The following TSC22D3 variants were observed in gnomAD, a reference collection of about 807,000 sequenced individuals.
TSC22D3 encodes TSC22 domain family member 3.
Under a neutral mutation model 11.1 loss-of-function variants are expected in TSC22D3, and 4 were observed. That is an observed-to-expected ratio of 0.36 (90% confidence interval 0.18 to 0.83). TSC22D3 has a LOEUF of 0.83. TSC22D3 is among the 40% of genes least tolerant of loss of function. The pLI is 0.48. For synonymous variants in TSC22D3, 77 were observed against 70.3 expected (o/e 1.10, Z -0.48); for missense variants, 118 against 159.4 (o/e 0.74, Z 1.40).
intron 1 of TSC22D3, among the ~76,000 whole-genome samples, chrX:107,754,988 T>C (rs1310417630): frequency 3.6e-5 from 4 of 112,113 alleles, no homozygotes; most frequent in Non-Finnish European, 7.5e-5. Context: ...GTGTCACTGA[T>C]CAGAGGATGG....
At chrX:107,715,656 T>C (rs34203388) in intron 2 of TSC22D3, 24,489 of 441,258 alleles carry the variant, frequency 0.055, 639 homozygotes, top group Middle Eastern at 0.16. Context: ...AGTCAGAGCC[T>C]GCGGCAAAGA....
rs773984814 is a variant in TSC22D3 at position 107,775,201 on chromosome X, C to T, written c.219G>A (p.Ser73=). Residue 73 remains serine (S), a synonymous_variant, in exon 1 of 3, where the codon TCG becomes TCA. Coordinates refer to ENST00000372383, the MANE Select transcript of TSC22D3 (RefSeq NM_198057.3). ...DKLNSIMRQD[S]LEPVLRDPCY... The stretch of plus-strand genomic sequence containing the variant: ...AGGGGTCCCGCAGCACCGGCTCTAG[C>T]GAATCCTGCCGCATTATGCTGTTGA... The T allele has an allele frequency of 8.3e-7, 1 of 1,211,967 alleles. No individual in the cohort carries two copies. Among genetic ancestry groups the T allele is most frequent in the South Asian group, 1.8e-5 (1 of 56,993 alleles).
At chrX:107,764,054 C>T (rs895814933) in intron 1 of TSC22D3, among the ~76,000 whole-genome samples, 3 of 112,595 alleles carry the variant, frequency 2.7e-5, no homozygotes, top group Non-Finnish European at 5.6e-5. Flanking sequence ...AATTTCAGTG[C>T]TAGAGACTCA....
chrX:107,751,349 A>G (rs1928923522), intron 1 of TSC22D3, among the ~76,000 whole-genome samples: 1 of 111,737 alleles, frequency 8.9e-6, no homozygotes, highest in Non-Finnish European at 1.9e-5. Context: ...GTGTGAGTAC[A>G]GACACCGGGA....
intron 1 of TSC22D3, among the ~76,000 whole-genome samples, chrX:107,753,665 T>C (rs1203643877): frequency 1.8e-5 from 2 of 111,661 alleles, no homozygotes; most frequent in African/African-American, 6.5e-5. Context: ...CACAACCATA[T>C]GACATATTTC....
intron 1 of TSC22D3, among the ~76,000 whole-genome samples, chrX:107,759,909 G>A (rs1056158955): frequency 8.9e-6 from 1 of 112,522 alleles, no homozygotes; most frequent in Non-Finnish European, 1.9e-5. Flanking sequence ...GTGGGGGCGG[G>A]AGGAAATTCA....
intron 1 of TSC22D3, among the ~76,000 whole-genome samples, chrX:107,769,133 C>T (rs187980913): frequency 2.7e-5 from 3 of 112,457 alleles, no homozygotes; most frequent in African/African-American, 9.7e-5. Context: ...CTGGGCAATG[C>T]CACTCCTAGG....
At chrX:107,717,039 C>T in intron 1 of TSC22D3, 3 of 985,211 alleles carry the variant, frequency 3.0e-6, no homozygotes, top group Non-Finnish European at 2.6e-6. Context: ...ACAAACTCCA[C>T]GGCCGCCAGT....
At chrX:107,773,577 G>A (rs1160220607) in intron 1 of TSC22D3, among the ~76,000 whole-genome samples, 1 of 111,986 alleles carries the variant, frequency 8.9e-6, no homozygotes, top group African/African-American at 3.3e-5. Context: ...CCGCAGCCTG[G>A]TTTATTTTAT....
chrX:107,747,068 T>A (rs1031213010), intron 1 of TSC22D3, among the ~76,000 whole-genome samples: 4 of 112,941 alleles, frequency 3.5e-5, no homozygotes, highest in Non-Finnish European at 7.5e-5. Flanking sequence ...TCTTGGGTAT[T>A]CCAAACTAAG....
chrX:107,747,790 A>C (rs2147766782), intron 1 of TSC22D3, among the ~76,000 whole-genome samples: 1 of 112,650 alleles, frequency 8.9e-6, no homozygotes, highest in South Asian at 3.6e-4. Flanking sequence ...AATGAACCAA[A>C]CATCAGGGAG....
chrX:107,757,552 T>A (rs933124164), intron 1 of TSC22D3, among the ~76,000 whole-genome samples: 1 of 112,420 alleles, frequency 8.9e-6, no homozygotes, highest in African/African-American at 3.2e-5. Context: ...AGATTCTTAT[T>A]TGCAACCTTG....
At chrX:107,759,060 C>CT (rs1233920654) in intron 1 of TSC22D3, among the ~76,000 whole-genome samples, 1 of 110,647 alleles carries the variant, frequency 9.0e-6, no homozygotes. Flanking sequence ...GTTGCATTTT[C>CT]TTTTTTAGTA....
At chrX:107,716,001 G>A (rs1410131014) in intron 1 of TSC22D3, 51 bp from the exon 2 acceptor site, 8 of 1,170,964 alleles carry the variant, frequency 6.8e-6, no homozygotes, top group Non-Finnish European at 9.2e-6. Flanking sequence ...TTCTACTCTT[G>A]AGTACATGGC....
At chrX:107,716,863 T>C (rs745715972) in intron 1 of TSC22D3, 2 of 1,197,400 alleles carry the variant, frequency 1.7e-6, no homozygotes, top group Non-Finnish European at 2.3e-6. Flanking sequence ...GCTGGGCGGC[T>C]GGGCGGCTGG....
At chrX:107,764,173 G>A (rs942897588) in intron 1 of TSC22D3, among the ~76,000 whole-genome samples, 4 of 112,322 alleles carry the variant, frequency 3.6e-5, no homozygotes, top group Admixed American at 2.8e-4. Flanking sequence ...TTGTAACTAT[G>A]CTTCATTAGC....
intron 1 of TSC22D3, among the ~76,000 whole-genome samples, chrX:107,740,321 C>T (rs1330073509): frequency 8.9e-6 from 1 of 111,946 alleles, no homozygotes; most frequent in Non-Finnish European, 1.9e-5. Flanking sequence ...TGGTGGCTCA[C>T]GTCTGTAATC....
chrX:107,775,505 A>G lies in TSC22D3; in HGVS notation c.-86T>C. The G allele has an allele frequency of 2.6e-6, 2 of 769,551 alleles. No individual in the cohort carries two copies. The highest frequency in any genetic ancestry group is 3.6e-6 in the Non-Finnish European group (2 of 549,518). 63.4% of individuals were successfully genotyped at this position (769,551 alleles called of 1,213,427 possible). ...CACCGAGCTGGCCTGAGGGGACTCCAGGGTGCCTGGAAAAGACAAGCTGTG... is the reference window on the plus strand; with the variant it reads ...CACCGAGCTGGCCTGAGGGGACTCCGGGGTGCCTGGAAAAGACAAGCTGTG... On this transcript the variant is annotated 5_prime_UTR_variant, in exon 1 of 3. Coordinates refer to ENST00000372383, the MANE Select transcript of TSC22D3 (RefSeq NM_198057.3).
Position 107,775,193 on chromosome X carries a change from G to C in TSC22D3, c.227C>G (p.Pro76Arg), listed in dbSNP as rs749179992. The C allele has an allele frequency of 1.2e-5, 15 of 1,212,023 alleles. No homozygotes were observed. Among genetic ancestry groups the C allele is most frequent in the Non-Finnish European group, 1.6e-5 (14 of 895,585 alleles). ...CAGGTAGCAGGGGTCCCGCAGCACCGGCTCTAGCGAATCCTGCCGCATTAT... is the reference window on the plus strand; with the variant it reads ...CAGGTAGCAGGGGTCCCGCAGCACCCGCTCTAGCGAATCCTGCCGCATTAT... ...NSIMRQDSLEPVLRDPCYLIN... is the reference protein window; with the variant it reads ...NSIMRQDSLERVLRDPCYLIN... The change falls in exon 1 of 3, where the codon CCG becomes CGG. Residue 76 changes from proline (P) to arginine (R), a missense_variant. Physicochemically the swap from Pro to Arg is moderately radical, Grantham distance 103. Coordinates refer to ENST00000372383, the MANE Select transcript of TSC22D3 (RefSeq NM_198057.3).
Sources: allele counts gnomAD v4.1 joint callset (sites outside exome capture counted in the v4.1 genomes callset), GRCh38; gene constraint gnomAD v4.1.1; transcripts MANE v1.5; gene names NCBI Gene and HGNC (gene_info 2026-07-23, HGNC 2026-07-21).